Variants in PCDHGB4 observed in about 807,000 individuals in gnomAD.
PCDHGB4 encodes the protein protocadherin gamma subfamily B, 4, also known as protocadherin gamma-B4.
In PCDHGB4, 38 loss-of-function variants were observed where a neutral mutation model predicts 60.5. The ratio of observed to expected loss-of-function variants is 0.63; its 90% confidence interval spans 0.48 to 0.82. PCDHGB4 has a LOEUF of 0.82. Ranked by LOEUF, PCDHGB4 falls within the 40% of genes least tolerant of loss-of-function variation. The probability of loss-of-function intolerance (pLI) is 0.00; values close to 1 mark genes in which losing one functional copy is unlikely to be tolerated. For missense variants in PCDHGB4, 1,109 were observed against 1,209.6 expected (o/e 0.92, Z 1.23); for synonymous variants, 456 against 509.7 (o/e 0.89, Z 1.42).
chr5:141,489,942 C>T lies in PCDHGB4; in HGVS notation c.2398-4865C>T. On this transcript the variant is annotated intron_variant, in intron 1 of 3. Transcript: ENST00000519479. The surrounding 1 kb of genome is among the most constrained non-coding windows in gnomAD (Gnocchi z 4.5). ...CCCTTATCTCTGTCATCGTGCTGGA[C>T]ATCAATGATAATGCTCCAACCTTCC... 2 of 1,614,170 alleles carry T rather than the reference C, an allele frequency of 1.2e-6. No homozygotes were observed. The highest frequency in any genetic ancestry group is 1.7e-6 in the Non-Finnish European group (2 of 1,179,984).
At position 141,486,002 on chromosome 5, in the gene PCDHGB4, G is replaced by A. The variant is rs372373315; in HGVS notation, c.2398-8805G>A. ...CCCGGACCTGGGTCCCAGTGGTAAC[G>A]TCACCTTTTATTTCAGTGGTCATAC... On this transcript the variant is annotated intron_variant, in intron 1 of 3. Coordinates refer to ENST00000519479, the MANE Select transcript of PCDHGB4 (RefSeq NM_003736.4). The surrounding 1 kb of genome is among the most constrained non-coding windows in gnomAD (Gnocchi z 5.0). 2.0e-5 allele frequency: 33 copies of A among 1,614,030 alleles called. No homozygotes were observed. The highest frequency in any genetic ancestry group is 2.8e-5 in the Non-Finnish European group (33 of 1,180,014).
At chr5:141,466,763 C>T (rs960940073) in intron 1 of PCDHGB4, among the ~76,000 whole-genome samples, 31 of 152,272 alleles carry the variant, frequency 2.0e-4, no homozygotes, top group Middle Eastern at 6.8e-3. Context: ...TCTTTTCAAA[C>T]TGTTATCTTA....
In PCDHGB4 at chr5:141,388,423, TGATA is replaced by T; in HGVS notation, c.540_543del (p.Asn182LysfsTer14). On this transcript the variant is annotated frameshift_variant, in exon 1 of 4. Coordinates refer to ENST00000519479, the MANE Select transcript of PCDHGB4 (RefSeq NM_003736.4). LOFTEE classifies it high-confidence loss of function. Reference sequence around the variant, plus strand: ...CTCAGTCCCAGTGATCATTTCTCACTGATAAATAAAGAGAAATCAGATGGCAGTA... The same window carrying T: ...CTCAGTCCCAGTGATCATTTCTCACTAATAAAGAGAAATCAGATGGCAGTA... 4 of 1,613,948 alleles carry T rather than the reference TGATA, an allele frequency of 2.5e-6. No individual in the cohort carries two copies. The highest frequency in any genetic ancestry group is 3.4e-6 in the Non-Finnish European group (4 of 1,179,884).
At chr5:141,421,418 G>A (rs771088122) in intron 1 of PCDHGB4, 1 of 1,614,086 alleles carries the variant, frequency 6.2e-7, no homozygotes, top group Admixed American at 1.7e-5. Flanking sequence ...GCGAAGCGCG[G>A]AGTCCGCATC....
At chr5:141,399,642 G>C (rs755191053) in intron 1 of PCDHGB4, 3 of 1,613,750 alleles carry the variant, frequency 1.9e-6, no homozygotes, top group Non-Finnish European at 2.5e-6. Flanking sequence ...CCATGAGCGC[G>C]CAAAGTGGGG....
At chr5:141,394,754 G>T (rs753264235) in intron 1 of PCDHGB4, 2 of 1,613,428 alleles carry the variant, frequency 1.2e-6, no homozygotes, top group Non-Finnish European at 1.7e-6. Context: ...TGGCCGTCCA[G>T]GACCATGGCC....
rs762312563 is a variant in PCDHGB4 at position 141,493,182 on chromosome 5, A to G, written c.2398-1625A>G. Among the ~76,000 whole-genome samples, 1 of 152,232 alleles carries G rather than the reference A, an allele frequency of 6.6e-6. No homozygotes were observed. The highest frequency in any genetic ancestry group is 2.4e-5 in the African/African-American group (1 of 41,460). The stretch of plus-strand genomic sequence containing the variant: ...TAGCTGATTGAGAGAAACTTACTAT[A>G]TAACTCCTTTGAGAACCTCATCTCA... On this transcript the variant is annotated intron_variant, in intron 1 of 3. Coordinates refer to ENST00000519479, the MANE Select transcript of PCDHGB4 (RefSeq NM_003736.4). The surrounding 1 kb of genome is among the most constrained non-coding windows in gnomAD (Gnocchi z 4.3).
chr5:141,475,870 C>CAGTT, intron 1 of PCDHGB4: 1 of 511,190 alleles, frequency 2.0e-6, no homozygotes, highest in East Asian at 3.3e-5. Context: ...ATTCTTCGTG[C>CAGTT]AGTTATTGGC....
rs755163825 is a variant in PCDHGB4, at chr5:141,491,048, C to A, written c.2398-3759C>A. 6.2e-6 allele frequency: 10 copies of A among 1,613,948 alleles called. No individual in the cohort carries two copies. Among genetic ancestry groups the A allele is most frequent in the Non-Finnish European group, 7.6e-6 (9 of 1,179,960 alleles). ...GTGGATGCTGATGCAGGCCACAATG[C>A]GTGGCTCTCCTACTCACTGTTGCCA... On this transcript the variant is annotated intron_variant, in intron 1 of 3. Coordinates refer to ENST00000519479, the MANE Select transcript of PCDHGB4 (RefSeq NM_003736.4). The surrounding 1 kb of genome is among the most constrained non-coding windows in gnomAD (Gnocchi z 6.9).
chr5:141,503,209 C>T (rs963237902), intron 2 of PCDHGB4, among the ~76,000 whole-genome samples: 3 of 152,020 alleles, frequency 2.0e-5, no homozygotes, highest in African/African-American at 7.3e-5. Context: ...TCTCAGTGCC[C>T]ACCATGAGCA....
In PCDHGB4 at chr5:141,486,563, G is replaced by A. The variant is rs558244990; in HGVS notation, c.2398-8244G>A. The A allele has an allele frequency of 1.2e-6, 2 of 1,614,006 alleles. No homozygotes were observed. The highest frequency in any genetic ancestry group is 1.7e-6 in the Non-Finnish European group (2 of 1,180,036). On this transcript the variant is annotated intron_variant, in intron 1 of 3. Coordinates refer to ENST00000519479, the MANE Select transcript of PCDHGB4 (RefSeq NM_003736.4). The surrounding 1 kb of genome is among the most constrained non-coding windows in gnomAD (Gnocchi z 5.0). ...CTTTCAGAGGTCACATGAGGTGTTTGTTCCTGAGAACAATCGCCCAGGGGA... is the reference window on the plus strand; with the variant it reads ...CTTTCAGAGGTCACATGAGGTGTTTATTCCTGAGAACAATCGCCCAGGGGA...
At chr5:141,510,917 C>G in intron 3 of PCDHGB4, 30 bp from the exon 4 acceptor site, 1 of 1,613,854 alleles carries the variant, frequency 6.2e-7, no homozygotes, top group Non-Finnish European at 8.5e-7. Flanking sequence ...CTAAGTTTAG[C>G]TCCCACCTGA....
In PCDHGB4 at chr5:141,409,837, C is replaced by G. The variant is rs182654621; in HGVS notation, c.2397+19556C>G. 823 of 1,611,470 alleles carry G rather than the reference C, an allele frequency of 5.1e-4. 5 individuals carry two copies. The East Asian group carries it at 9.5e-3, about 19-fold the overall frequency. On this transcript the variant is annotated intron_variant, in intron 1 of 3. Coordinates refer to ENST00000519479, the MANE Select transcript of PCDHGB4 (RefSeq NM_003736.4). ...ACGGCTCGCCCACGCTCAGCGCCAACGTGAGCCTGCGCGTGTTGGTGGGAG... is the reference window on the plus strand; with the variant it reads ...ACGGCTCGCCCACGCTCAGCGCCAAGGTGAGCCTGCGCGTGTTGGTGGGAG...
intron 1 of PCDHGB4, among the ~76,000 whole-genome samples, chr5:141,436,742 G>A (rs568532036): frequency 3.9e-4 from 59 of 152,304 alleles, no homozygotes; most frequent in Non-Finnish European, 7.1e-4. Flanking sequence ...ATTTTTGTGT[G>A]CTTCTCCATA....
rs139867523 is a variant in PCDHGB4, at chr5:141,474,274, G to A, written c.2398-20533G>A. 1.2e-4 allele frequency among the ~76,000 whole-genome samples: 19 copies of A among 152,278 alleles called. No homozygotes were observed. In the East Asian group the frequency reaches 3.3e-3, roughly 26 times the overall value. On this transcript the variant is annotated intron_variant, in intron 1 of 3. Coordinates refer to ENST00000519479, the MANE Select transcript of PCDHGB4 (RefSeq NM_003736.4). ...AAGACTGATAAACCAGTGTATCTCT[G>A]AATAACCCACTAGATCAGTGCTTGT...
intron 1 of PCDHGB4, among the ~76,000 whole-genome samples, chr5:141,438,623 TATATATATATATACACACAC>T (rs1272037524): frequency 7.0e-5 from 3 of 42,840 alleles, no homozygotes; most frequent in African/African-American, 1.6e-4. Flanking sequence ...TATATATATA[TATATATATATATACACACAC>T]ACACACACAT....
chr5:141,426,090 T>G (rs545457395), intron 1 of PCDHGB4, among the ~76,000 whole-genome samples: 1 of 152,246 alleles, frequency 6.6e-6, no homozygotes, highest in African/African-American at 2.4e-5. Context: ...CAGGACGATA[T>G]TCTGTTCAGT....
intron 1 of PCDHGB4, among the ~76,000 whole-genome samples, chr5:141,450,782 C>G (rs1012152203): frequency 6.6e-6 from 1 of 151,236 alleles, no homozygotes; most frequent in Non-Finnish European, 1.5e-5. Context: ...CCACCGTGCC[C>G]GGACCTCATG....
At chr5:141,450,675 C>T (rs377412699) in intron 1 of PCDHGB4, among the ~76,000 whole-genome samples, 3 of 151,614 alleles carry the variant, frequency 2.0e-5, no homozygotes, top group South Asian at 4.2e-4. Flanking sequence ...TTAGTAGAAA[C>T]GGGGTTTTGC....
Sources: gnomAD v4.1 joint callset for allele counts (sites outside exome capture counted in the v4.1 genomes callset) on GRCh38, gnomAD v4.1.1 for gene constraint, Gnocchi (gnomAD v3.1) non-coding constraint, MANE v1.5 for transcripts, NCBI Gene and HGNC (gene_info 2026-07-23, HGNC 2026-07-21) for gene names.